Variants in SI observed in about 807,000 individuals in gnomAD.
SI encodes sucrase-isomaltase.
Under a neutral mutation model 253.3 loss-of-function variants are expected in SI, and 235 were observed. The ratio of observed to expected loss-of-function variants is 0.93; its 90% CI spans 0.83 to 1.03. The LOEUF (loss-of-function observed/expected upper bound fraction) is 1.03. SI is among the 50% of genes least tolerant of loss of function. SI has a pLI of 0.00. For synonymous variants in SI, 819 were observed against 712.0 expected, an observed-to-expected ratio of 1.15 and a Z score of -2.39; for missense variants, 2,442 against 2,211.1, an observed-to-expected ratio of 1.10 and a Z score of -2.09.
At chr3:164,996,417 C>T (rs1718009398) in intron 40 of SI, 118 bp downstream of exon 40, 1 of 720,492 alleles carries the variant, frequency 1.4e-6, no homozygotes, top group Non-Finnish European at 2.5e-6. Context: ...TTCCTCACTA[C>T]TCCAAAATTA....
At chr3:165,045,605 C>A (rs1212649319) in intron 16 of SI, among the ~76,000 whole-genome samples, 3 of 151,618 alleles carry the variant, frequency 2.0e-5, no homozygotes, top group Non-Finnish European at 1.5e-5. Context: ...TTACTTACAT[C>A]TTTCTTTAGG....
chr3:165,011,422 C>T (rs571551618), intron 34 of SI, among the ~76,000 whole-genome samples: 15 of 152,012 alleles, frequency 9.9e-5, no homozygotes, highest in African/African-American at 2.9e-4. Context: ...ACTTATTTCC[C>T]CTCTTTTTCT....
upstream of SI, among the ~76,000 whole-genome samples, chr3:165,078,658 T>G (rs1715155096): frequency 2.0e-5 from 3 of 151,762 alleles, no homozygotes; most frequent in African/African-American, 7.2e-5. Context: ...GGAATCTAAG[T>G]TAATTAGTAA....
At chr3:165,016,250 A>C (rs978716681) in intron 31 of SI, among the ~76,000 whole-genome samples, 170 bp from the exon 32 acceptor site, 3 of 152,054 alleles carry the variant, frequency 2.0e-5, no homozygotes, top group Non-Finnish European at 2.9e-5. Context: ...GTAGCATGTA[A>C]AGATGTAAAG....
At chr3:165,019,152 T>G (rs1719183321) in intron 28 of SI, among the ~76,000 whole-genome samples, 1 of 151,826 alleles carries the variant, frequency 6.6e-6, no homozygotes, top group Non-Finnish European at 1.5e-5. Flanking sequence ...ATTGTAAAGA[T>G]GTAATTAGCA....
the SI span, among the ~76,000 whole-genome samples, chr3:165,084,506 T>G: frequency 6.6e-6 from 1 of 151,890 alleles, no homozygotes; most frequent in South Asian, 2.1e-4. Flanking sequence ...ATGTAAAAAT[T>G]TTTTTCTGTA....
intron 9 of SI, 120 bp from the exon 10 acceptor site, chr3:165,060,147 T>A: frequency 1.1e-6 from 1 of 873,494 alleles, no homozygotes; most frequent in Non-Finnish European, 1.8e-6. Flanking sequence ...GTTTATATAA[T>A]TTAAACAAAC....
rs763616023 is a variant in SI, at chr3:164,996,515, T to C, written c.4692+20A>G. On this transcript the variant is annotated intron_variant, in intron 40 of 47. Transcript: ENST00000264382. ...AGCCCAAGTAAGAAAATACTGAAAG[T>C]AAATGTAGTAATTACATACTCTAGT... 2.4e-6 allele frequency: 3 copies of C among 1,233,854 alleles called. No individual in the cohort carries two copies. Among genetic ancestry groups the C allele is most frequent in the South Asian group, 2.4e-5 (2 of 83,314 alleles). 76.4% of individuals were successfully genotyped at this position (1,233,854 alleles called of 1,614,324 possible).
chr3:165,000,593 A>C (rs576030374), intron 37 of SI, among the ~76,000 whole-genome samples: 1 of 151,620 alleles, frequency 6.6e-6, no homozygotes, highest in Non-Finnish European at 1.5e-5. Context: ...ACTATAAAAT[A>C]AATGAGGTAT....
intron 45 of SI, among the ~76,000 whole-genome samples, chr3:164,986,076 CAG>C (rs1192229756): frequency 6.6e-6 from 1 of 152,064 alleles, no homozygotes; most frequent in Non-Finnish European, 1.5e-5. Context: ...TATAAAAACA[CAG>C]AAATCAAATT....
intron 21 of SI, among the ~76,000 whole-genome samples, chr3:165,037,080 G>C (rs1712575125): frequency 6.6e-6 from 1 of 151,640 alleles, no homozygotes; most frequent in East Asian, 1.9e-4. Context: ...TACAGCTCTG[G>C]TGTATAACAA....
chr3:165,077,208 C>T (rs548017360), intron 1 of SI, among the ~76,000 whole-genome samples: 2 of 151,596 alleles, frequency 1.3e-5, no homozygotes, highest in Admixed American at 1.3e-4. Context: ...TGCCTTCATA[C>T]CTGCTGTTCA....
In SI at chr3:165,009,403, A is replaced by C; in HGVS notation, c.4063-8T>G. On this transcript the variant is annotated splice_region_variant and splice_polypyrimidine_tract_variant and intron_variant, in intron 34 of 47. Transcript: ENST00000264382. ...TACATGAGCTCTGGAAGCCTGTAAA[A>C]CCAAAATTTAGGCTCACATGTGGAA... The C allele has an allele frequency of 6.5e-7, 1 of 1,538,828 alleles. No individual in the cohort carries two copies. The highest frequency in any genetic ancestry group is 9.0e-7 in the Non-Finnish European group (1 of 1,111,612).
chr3:164,988,313 A>G lies in SI; in HGVS notation c.5109-1087T>C, dbSNP rs560629024. On this transcript the variant is annotated intron_variant, in intron 44 of 47. Transcript: ENST00000264382. ...AATATATTAACATACCTTACCATGA[A>G]TATGTATATGAATTTCAGTTCACAG... is the stretch of plus-strand genomic sequence containing the variant. Among the ~76,000 whole-genome samples the G allele has an allele frequency of 4.5e-4, 68 of 152,330 alleles. 1 individual carries two copies. The highest frequency in any genetic ancestry group is 1.6e-3 in the African/African-American group (67 of 41,582).
intron 25 of SI, among the ~76,000 whole-genome samples, chr3:165,028,438 A>G (rs976531881): frequency 5.9e-5 from 9 of 151,434 alleles, no homozygotes; most frequent in Admixed American, 2.0e-4. Flanking sequence ...GGAAAAAACA[A>G]TCCTAAAATT....
At chr3:165,038,837 A>C (rs1712670620) in intron 20 of SI, among the ~76,000 whole-genome samples, 5 of 152,084 alleles carry the variant, frequency 3.3e-5, no homozygotes, top group Admixed American at 3.3e-4. Flanking sequence ...AAAATAAATA[A>C]TATCTCTTTA....
chr3:165,048,250 G>T (rs1344742976), intron 15 of SI, among the ~76,000 whole-genome samples: 1 of 151,820 alleles, frequency 6.6e-6, no homozygotes. Context: ...TGTATCACAG[G>T]ACCATAAACA....
chr3:164,984,297 C>T (rs935819091), intron 45 of SI, among the ~76,000 whole-genome samples: 6 of 152,118 alleles, frequency 3.9e-5, no homozygotes, highest in Non-Finnish European at 8.8e-5. Context: ...CATTAACCCA[C>T]TAAAATTAAT....
intron 9 of SI, among the ~76,000 whole-genome samples, chr3:165,060,842 T>C (rs1451292647): frequency 2.1e-5 from 3 of 146,170 alleles, no homozygotes; most frequent in East Asian, 2.0e-4. Flanking sequence ...TATATACATA[T>C]ATATCTGGTA....
Sources: gnomAD v4.1 joint callset for allele counts (sites outside exome capture counted in the v4.1 genomes callset) on GRCh38, gnomAD v4.1.1 for gene constraint, MANE v1.5 for transcripts, NCBI Gene and HGNC (gene_info 2026-07-23, HGNC 2026-07-21) for gene names.